The following CDYL variants were observed in gnomAD, a reference collection of about 807,000 sequenced individuals.
The protein encoded by CDYL is chromodomain Y like, also known as chromodomain Y-like protein.
In CDYL, 8 loss-of-function variants were observed where a neutral mutation model predicts 47.3. That is an observed-to-expected ratio of 0.17 (90% CI 0.10 to 0.31). The LOEUF (loss-of-function observed/expected upper bound fraction) is 0.31. CDYL is among the 10% of genes least tolerant of loss of function. The pLI is 1.00. For synonymous variants in CDYL, 266 were observed against 265.0 expected (o/e 1.00, Z -0.04); for missense variants, 471 against 701.4 (o/e 0.67, Z 3.71).
At chr6:4,841,956 T>G (rs1188636121) in intron 1 of CDYL, among the ~76,000 whole-genome samples, 5 of 146,580 alleles carry the variant, frequency 3.4e-5, no homozygotes, top group African/African-American at 1.2e-4. Flanking sequence ...TTGTTGACTT[T>G]ATATTAATAT....
At chr6:4,879,870 A>G (rs1761717342) in intron 1 of CDYL, among the ~76,000 whole-genome samples, 1 of 152,024 alleles carries the variant, frequency 6.6e-6, no homozygotes, top group Non-Finnish European at 1.5e-5. Context: ...TTGTGGTTTT[A>G]ATAGACTATT....
intron 1 of CDYL, among the ~76,000 whole-genome samples, chr6:4,868,973 G>A (rs1581224257): frequency 6.6e-6 from 1 of 151,976 alleles, no homozygotes; most frequent in East Asian, 1.9e-4. Context: ...TATGGTTATT[G>A]TTTTCATGTC....
intron 1 of CDYL, chr6:4,836,442 G>A (rs891727990): frequency 2.1e-5 from 4 of 190,262 alleles, no homozygotes; most frequent in Non-Finnish European, 3.9e-5. Context: ...TTCCCTTATG[G>A]GTTCTGGGAA....
chr6:4,937,482 T>G, intron 3 of CDYL, 83 bp from the exon 4 acceptor site: 9 of 1,117,034 alleles, frequency 8.1e-6, no homozygotes, highest in East Asian at 5.9e-5. Flanking sequence ...AGCAACAGAG[T>G]GAGACTCTCT....
intron 2 of CDYL, among the ~76,000 whole-genome samples, chr6:4,934,143 T>G (rs1294475461): frequency 6.6e-6 from 1 of 152,168 alleles, no homozygotes; most frequent in Non-Finnish European, 1.5e-5. Flanking sequence ...GAAGTCTGTA[T>G]TGATGTTTTC....
intron 1 of CDYL, among the ~76,000 whole-genome samples, chr6:4,789,846 G>A (rs1371239230): frequency 6.6e-6 from 1 of 152,202 alleles, no homozygotes; most frequent in African/African-American, 2.4e-5. Context: ...TCAGAGAAGT[G>A]TAGTTTCCTG....
At chr6:4,852,054 G>T (rs1561669799) in intron 1 of CDYL, among the ~76,000 whole-genome samples, 1 of 152,112 alleles carries the variant, frequency 6.6e-6, no homozygotes, top group South Asian at 2.1e-4. Flanking sequence ...TCTGTAAAGC[G>T]ATGGCTTCCC....
chr6:4,708,107 T>C (rs1757078914), intron 1 of CDYL, among the ~76,000 whole-genome samples: 1 of 152,054 alleles, frequency 6.6e-6, no homozygotes, highest in South Asian at 2.1e-4. Context: ...GCAGATGTTT[T>C]AGGTATAATC....
At chr6:4,789,015 A>G (rs1237294169) in intron 1 of CDYL, among the ~76,000 whole-genome samples, 2 of 152,002 alleles carry the variant, frequency 1.3e-5, no homozygotes, top group Non-Finnish European at 2.9e-5. Context: ...CTGGCTTTAC[A>G]TTCTGTCCCG....
At chr6:4,853,738 C>G (rs921755690) in intron 1 of CDYL, among the ~76,000 whole-genome samples, 2 of 152,240 alleles carry the variant, frequency 1.3e-5, no homozygotes, top group African/African-American at 4.8e-5. Flanking sequence ...CCTTTGCGTA[C>G]AGGATAGAGC....
intron 4 of CDYL, among the ~76,000 whole-genome samples, chr6:4,938,504 T>A (rs964844199): frequency 6.6e-6 from 1 of 152,218 alleles, no homozygotes; most frequent in Non-Finnish European, 1.5e-5. Context: ...ACATGGTGTA[T>A]TGAAACACGA....
chr6:4,798,835 C>G (rs374048964), intron 1 of CDYL, among the ~76,000 whole-genome samples: 17 of 149,004 alleles, frequency 1.1e-4, no homozygotes, highest in African/African-American at 4.3e-4. Context: ...AATTCACAGC[C>G]TTTAATTAAA....
chr6:4,793,381 A>G (rs1758982549), intron 1 of CDYL, among the ~76,000 whole-genome samples: 1 of 152,082 alleles, frequency 6.6e-6, no homozygotes, highest in Non-Finnish European at 1.5e-5. Flanking sequence ...AGGTGAAGCA[A>G]TCAGGGAGAG....
intron 2 of CDYL, chr6:4,734,660 G>A: frequency 1.3e-6 from 2 of 1,501,744 alleles, no homozygotes; most frequent in Non-Finnish European, 1.8e-6. Flanking sequence ...GAAGGGGAGG[G>A]CACAGGGATG....
At chr6:4,833,492 A>C (rs1760206554) in intron 1 of CDYL, among the ~76,000 whole-genome samples, 1 of 150,982 alleles carries the variant, frequency 6.6e-6, no homozygotes, top group Non-Finnish European at 1.5e-5. Context: ...TTTACTTCCA[A>C]GTATGTGGTC....
chr6:4,724,788 A>T (rs895966890), intron 2 of CDYL: 1 of 152,214 alleles, frequency 6.6e-6, no homozygotes, highest in African/African-American at 2.4e-5. Flanking sequence ...AACTCACAAA[A>T]GCAGTGTGGA....
In CDYL at chr6:4,759,900, A is replaced by G. The variant is rs59362332; in HGVS notation, c.186+25056A>G. On this transcript the variant is annotated intron_variant, in intron 3 of 8. Coordinates refer to the CDYL transcript ENST00000328908. Reference sequence around the variant, plus strand: ...ATCTCAAAAAAAAAAAAAAAAAAAAAAAAAAAAAAAAAAAAAAAAAAAAAA... The same window carrying G: ...ATCTCAAAAAAAAAAAAAAAAAAAAGAAAAAAAAAAAAAAAAAAAAAAAAA... Among the ~76,000 whole-genome samples the G allele has an allele frequency of 3.2e-4, 31 of 96,680 alleles. 2 individuals carry two copies. The highest frequency in any genetic ancestry group is 1.3e-3 in the African/African-American group (28 of 21,256). 63.4% of individuals were successfully genotyped at this position (96,680 alleles called of 152,430 possible).
intron 2 of CDYL, among the ~76,000 whole-genome samples, chr6:4,925,098 T>C (rs1000169295): frequency 2.0e-5 from 3 of 152,158 alleles, no homozygotes; most frequent in Admixed American, 6.5e-5. Flanking sequence ...GGTGGGTGGC[T>C]GTTTGAGTGT....
intron 1 of CDYL, among the ~76,000 whole-genome samples, chr6:4,814,775 A>C (rs899436355): frequency 4.6e-5 from 7 of 152,200 alleles, no homozygotes; most frequent in African/African-American, 1.7e-4. Flanking sequence ...TGCCCGCCTC[A>C]GCCTCCCAAA....
Sources: allele counts gnomAD v4.1 joint callset (sites outside exome capture counted in the v4.1 genomes callset), GRCh38; gene constraint gnomAD v4.1.1; transcripts MANE v1.5; gene names NCBI Gene and HGNC (gene_info 2026-07-23, HGNC 2026-07-21).